Variants in LNX1 observed in about 807,000 individuals in gnomAD.
LNX1 encodes the protein E3 ubiquitin-protein ligase LNX.
LNX1 carries 54 observed loss-of-function variants against 68.4 expected under a neutral mutation model. That is an observed-to-expected ratio of 0.79 (90% CI 0.63 to 0.99). The LOEUF is 0.99. Among genes scored for constraint, LNX1 ranks in the 50% least tolerant of loss-of-function variants. The pLI, the probability that LNX1 is intolerant of heterozygous loss-of-function variation, is 0.00. For synonymous variants in LNX1, 336 were observed against 350.0 expected (o/e 0.96, Z 0.45); for missense variants, 906 against 926.4 (o/e 0.98, Z 0.29).
intron 2 of LNX1, among the ~76,000 whole-genome samples, chr4:53,542,166 A>T (rs748229261): frequency 6.6e-6 from 1 of 152,222 alleles, no homozygotes; most frequent in Non-Finnish European, 1.5e-5. Context: ...AGTGTATGAG[A>T]TATGCAATTG....
intron 2 of LNX1, among the ~76,000 whole-genome samples, chr4:53,543,402 G>A (rs937608033): frequency 6.6e-6 from 1 of 152,172 alleles, no homozygotes; most frequent in African/African-American, 2.4e-5. Flanking sequence ...TGCCTGATAT[G>A]TCATACACAT....
chr4:53,576,414 G>A, intron 1 of LNX1: 8 of 1,506,804 alleles, frequency 5.3e-6, no homozygotes, highest in Non-Finnish European at 7.1e-6. Flanking sequence ...TCCTATTCAG[G>A]TCAGGCTTGG....
intron 9 of LNX1, among the ~76,000 whole-genome samples, chr4:53,468,670 A>C (rs1312270543): frequency 6.6e-6 from 1 of 152,222 alleles, no homozygotes; most frequent in Non-Finnish European, 1.5e-5. Context: ...GGAAAACAAA[A>C]AAAGACAGGG....
chr4:53,575,961 T>C (rs893604196), intron 1 of LNX1: 5 of 1,555,606 alleles, frequency 3.2e-6, no homozygotes, highest in Non-Finnish European at 4.3e-6. Flanking sequence ...AGTGGCTGGG[T>C]GCCCTACTGG....
chr4:53,602,529 G>A (rs1435305737), intron 2 of LNX1, among the ~76,000 whole-genome samples: 1 of 152,220 alleles, frequency 6.6e-6, no homozygotes, highest in Non-Finnish European at 1.5e-5. Context: ...TGCAAATGCA[G>A]GGGTGGCTTT....
intron 2 of LNX1, among the ~76,000 whole-genome samples, chr4:53,540,810 TA>T (rs1485237287): frequency 6.6e-6 from 1 of 152,166 alleles, no homozygotes; most frequent in Admixed American, 6.5e-5. Flanking sequence ...TTGTCTTTAG[TA>T]AAATAAGGGC....
chr4:53,610,959 A>G (rs889301211), intron 2 of LNX1, among the ~76,000 whole-genome samples: 2 of 152,066 alleles, frequency 1.3e-5, no homozygotes, highest in Non-Finnish European at 2.9e-5. Context: ...AGCAGAAAGA[A>G]GACTATAGTG....
At chr4:53,560,194 A>G (rs2109735353) in intron 2 of LNX1, among the ~76,000 whole-genome samples, 1 of 152,352 alleles carries the variant, frequency 6.6e-6, no homozygotes, top group South Asian at 2.1e-4. Flanking sequence ...AGCATGATGT[A>G]TTATAAAGGT....
chr4:53,622,760 C>T (rs1733935595), intron 1 of LNX1, among the ~76,000 whole-genome samples: 2 of 152,174 alleles, frequency 1.3e-5, no homozygotes, highest in Admixed American at 6.5e-5. Flanking sequence ...GGAAAACACT[C>T]ACTGCTGGAA....
intron 2 of LNX1, among the ~76,000 whole-genome samples, chr4:53,515,676 T>A (rs1726721592): frequency 6.6e-6 from 1 of 152,114 alleles, no homozygotes; most frequent in East Asian, 1.9e-4. Flanking sequence ...CTTTGATGGG[T>A]TATGCTGCTA....
intron 9 of LNX1, among the ~76,000 whole-genome samples, chr4:53,466,977 A>G (rs1346633197): frequency 6.6e-6 from 1 of 152,190 alleles, no homozygotes; most frequent in Non-Finnish European, 1.5e-5. Flanking sequence ...TCCCTGTCTG[A>G]CAGCTTTGAA....
chr4:53,533,642 C>T (rs1286799747), intron 2 of LNX1, among the ~76,000 whole-genome samples: 1 of 152,120 alleles, frequency 6.6e-6, no homozygotes, highest in Admixed American at 6.6e-5. Flanking sequence ...TCGAGTGATC[C>T]GCCCGCCTCG....
At chr4:53,508,988 G>A (rs1158632179) in intron 2 of LNX1, among the ~76,000 whole-genome samples, 2 of 152,090 alleles carry the variant, frequency 1.3e-5, no homozygotes. Flanking sequence ...TGTGAGAAAA[G>A]CAAGTTATTG....
At chr4:53,521,609 G>A (rs1237321011) in intron 2 of LNX1, among the ~76,000 whole-genome samples, 2 of 152,130 alleles carry the variant, frequency 1.3e-5, no homozygotes, top group Admixed American at 6.5e-5. Flanking sequence ...TGCTAAATGA[G>A]CTTCCTCTTC....
At chr4:53,575,448 C>T in intron 1 of LNX1, 2 of 941,028 alleles carry the variant, frequency 2.1e-6, no homozygotes, top group South Asian at 4.9e-5. Context: ...TGAGCTAGGT[C>T]ATGAGTTTGA....
rs140122571 is a variant in LNX1 at position 53,563,638 on chromosome 4, G to C, written c.380+9985C>G. On this transcript the variant is annotated intron_variant, in intron 2 of 10. Coordinates refer to ENST00000263925, the MANE Select transcript of LNX1 (RefSeq NM_001126328.3). ...CAACCTCTGCCTCCCAGGTTCAAGC[G>C]ATTCTCCTGCCTCAGCCTCCCGAGT... 4.0e-4 allele frequency among the ~76,000 whole-genome samples: 60 copies of C among 151,720 alleles called. No individual in the cohort carries two copies. The East Asian group carries it at 0.011, about 28-fold the overall frequency.
chr4:53,640,879 T>C (rs1288720957), intron 1 of LNX1, among the ~76,000 whole-genome samples: 1 of 152,246 alleles, frequency 6.6e-6, no homozygotes, highest in Admixed American at 6.5e-5. Context: ...TCGACTCACA[T>C]GAGCTACTTT....
chr4:53,462,458 T>TTTGAAAGGAAATTGGC (rs1722235902), intron 9 of LNX1, among the ~76,000 whole-genome samples: 1 of 152,104 alleles, frequency 6.6e-6, no homozygotes, highest in African/African-American at 2.4e-5. Context: ...CGGGAATTGG[T>TTTGAAAGGAAATTGGC]TTGAAAGGAA....
upstream of LNX1, among the ~76,000 whole-genome samples, chr4:53,622,464 G>A (rs935214759): frequency 4.6e-5 from 7 of 152,076 alleles, no homozygotes; most frequent in Admixed American, 2.0e-4. Context: ...CCTGATTGGC[G>A]TGGCGAGACC....
Sources: allele counts gnomAD v4.1 joint callset (sites outside exome capture counted in the v4.1 genomes callset), GRCh38; gene constraint gnomAD v4.1.1; transcripts MANE v1.5; gene names NCBI Gene and HGNC (gene_info 2026-07-23, HGNC 2026-07-21).